NEBL: variants seen among roughly 807,000 people sequenced by gnomAD.
NEBL encodes the protein nebulette.
NEBL carries 122 observed loss-of-function variants against 140.2 expected under a neutral mutation model. The observed-to-expected ratio is 0.87, with a 90% CI of 0.75 to 1.01. The LOEUF is 1.01. Ranked by LOEUF, NEBL falls within the 50% of genes least tolerant of loss-of-function variation. The pLI is 0.00. For missense variants in NEBL, 1,365 were observed against 1,231.3 expected, an observed-to-expected ratio of 1.11 and a Z score of -1.62; for synonymous variants, 436 against 398.9, an observed-to-expected ratio of 1.09 and a Z score of -1.11.
chr10:20,993,816 G>C (rs911653984), intron 3 of NEBL, among the ~76,000 whole-genome samples: 1 of 152,156 alleles, frequency 6.6e-6, no homozygotes, highest in Non-Finnish European at 1.5e-5. Flanking sequence ...AAAACACTTC[G>C]ACAATTACAG....
chr10:20,812,669 T>G, intron 24 of NEBL, 100 bp downstream of exon 24: 1 of 1,421,492 alleles, frequency 7.0e-7, no homozygotes. Flanking sequence ...ACAACCAACA[T>G]GTGATGAGGA....
intron 2 of NEBL, among the ~76,000 whole-genome samples, chr10:21,153,108 G>A (rs1840205586): frequency 6.6e-6 from 1 of 152,164 alleles, no homozygotes; most frequent in African/African-American, 2.4e-5. Flanking sequence ...TAATATTTAT[G>A]GGTCAGGCAG....
intron 26 of NEBL, among the ~76,000 whole-genome samples, chr10:20,797,934 C>T (rs1272471250): frequency 2.6e-5 from 4 of 151,524 alleles, no homozygotes; most frequent in South Asian, 2.1e-4. Context: ...GAACCATCTC[C>T]GCAAAAAAAC....
At chr10:21,131,389 TACGACA>T in intron 2 of NEBL, among the ~76,000 whole-genome samples, 1 of 152,294 alleles carries the variant, frequency 6.6e-6, no homozygotes, top group South Asian at 2.1e-4. Context: ...AACTCATTCT[TACGACA>T]CCCTCATTGC....
chr10:21,289,852 T>C (rs953743722), intron 1 of NEBL, among the ~76,000 whole-genome samples: 23 of 152,228 alleles, frequency 1.5e-4, no homozygotes, highest in Admixed American at 6.5e-5. Context: ...TATTGTTCCA[T>C]TGAAGATGCT....
chr10:21,232,299 G>A (rs189881115), intron 3 of NEBL, among the ~76,000 whole-genome samples: 3 of 152,270 alleles, frequency 2.0e-5, no homozygotes, highest in Non-Finnish European at 4.4e-5. Flanking sequence ...CTTTAGAGCA[G>A]CAGTCCCCAA....
At chr10:21,179,271 A>C (rs1841349716), upstream of NEBL, among the ~76,000 whole-genome samples, 1 of 152,156 alleles carries the variant, frequency 6.6e-6, no homozygotes, top group South Asian at 2.1e-4. Flanking sequence ...AGACCCTGTT[A>C]CAAGATTATA....
intron 23 of NEBL, 29 bp downstream of exon 23, chr10:20,813,910 G>A (rs1465762270): frequency 1.4e-6 from 2 of 1,393,342 alleles, no homozygotes; most frequent in South Asian, 1.2e-5. Flanking sequence ...TCCTTAGCAT[G>A]TTTTAAGAAT....
intron 26 of NEBL, among the ~76,000 whole-genome samples, chr10:20,788,038 C>T (rs570568197): frequency 6.6e-6 from 1 of 152,242 alleles, no homozygotes; most frequent in South Asian, 2.1e-4. Context: ...AGTATGTGCT[C>T]TCCAAACCAC....
chr10:21,280,514 C>T (rs11012639), intron 1 of NEBL, among the ~76,000 whole-genome samples: 131,334 of 152,002 alleles, frequency 0.86, 57,128 homozygotes, highest in East Asian at 0.99. Context: ...CTGAAAAAGA[C>T]AGTGGCCTAG....
chr10:20,794,881 G>T (rs1195501296), intron 26 of NEBL, among the ~76,000 whole-genome samples: 2 of 152,116 alleles, frequency 1.3e-5, no homozygotes, highest in Non-Finnish European at 2.9e-5. Flanking sequence ...CTGCGCTTAG[G>T]ATGTCACATG....
chr10:21,150,927 C>T (rs937337885), intron 2 of NEBL, among the ~76,000 whole-genome samples: 1 of 152,090 alleles, frequency 6.6e-6, no homozygotes, highest in African/African-American at 2.4e-5. Context: ...AGGTGGTGCT[C>T]GATGCTCAAA....
intron 2 of NEBL, among the ~76,000 whole-genome samples, chr10:21,061,318 T>TGTTACATATTATGTGATATGTAAC (rs1564497091): frequency 1.9e-5 from 2 of 107,288 alleles, no homozygotes; most frequent in East Asian, 6.0e-4. Flanking sequence ...TGATATGTAA[T>TGTTACATATTATGTGATATGTAAC]ATATTACATA....
intron 3 of NEBL, among the ~76,000 whole-genome samples, chr10:20,990,627 A>G (rs1251770667): frequency 6.6e-6 from 1 of 152,216 alleles, no homozygotes; most frequent in African/African-American, 2.4e-5. Context: ...GTAACAACCC[A>G]AACTAAGACA....
rs762005342 is a variant in NEBL, at chr10:20,897,000, TAA to T, written c.109_110del (p.Leu37LysfsTer13). 234 of 1,614,078 alleles carry T rather than the reference TAA, an allele frequency of 1.4e-4. No homozygotes were observed. The highest frequency in any genetic ancestry group is 9.4e-5 in the Non-Finnish European group (111 of 1,179,972). ...TGCATTTTCTGGCCAATTCCATGCT[TAA>T]GTCTTCAATAACAGGCTTATAGAAG... is the stretch of plus-strand genomic sequence containing the variant. ...QVFYKPVIED[L>X]SMELARKCTE... On this transcript the variant is annotated frameshift_variant, in exon 2 of 28. Transcript: ENST00000377122. LOFTEE classifies it high-confidence loss of function.
At chr10:20,890,148 C>T (rs1846907744) in intron 2 of NEBL, among the ~76,000 whole-genome samples, 199 bp from the exon 3 acceptor site, 1 of 152,248 alleles carries the variant, frequency 6.6e-6, no homozygotes, top group South Asian at 2.1e-4. Flanking sequence ...TGAGGAAAGA[C>T]CATTCTTTAG....
intron 3 of NEBL, among the ~76,000 whole-genome samples, chr10:21,201,169 G>A (rs1180626472): frequency 6.6e-6 from 1 of 152,108 alleles, no homozygotes; most frequent in African/African-American, 2.4e-5. Context: ...CCAAAGCTGG[G>A]GTGCTAAGAC....
At chr10:20,889,337 A>T (rs988476488) in intron 3 of NEBL, among the ~76,000 whole-genome samples, 4 of 152,228 alleles carry the variant, frequency 2.6e-5, no homozygotes, top group African/African-American at 9.6e-5. Context: ...CGTATTCCTC[A>T]GTCTGTGATT....
intron 2 of NEBL, among the ~76,000 whole-genome samples, chr10:21,171,303 A>G (rs1841062423): frequency 6.6e-6 from 1 of 150,436 alleles, no homozygotes; most frequent in Non-Finnish European, 1.5e-5. Context: ...CCATTGCACT[A>G]CAGCCTGGGC....
Sources: gnomAD v4.1 joint callset for allele counts (sites outside exome capture counted in the v4.1 genomes callset) on GRCh38, gnomAD v4.1.1 for gene constraint, MANE v1.5 for transcripts, NCBI Gene and HGNC (gene_info 2026-07-23, HGNC 2026-07-21) for gene names.